The following EYA1 variants were observed in gnomAD, a reference collection of about 807,000 sequenced individuals.
EYA1 encodes the protein protein phosphatase EYA1.
EYA1 carries 16 observed loss-of-function variants against 82.0 expected under a neutral mutation model. That is an observed-to-expected ratio of 0.20 (90% CI 0.13 to 0.30). The LOEUF (loss-of-function observed/expected upper bound fraction) is 0.30, where lower values mean the gene tolerates loss of function less well. Ranked by LOEUF, EYA1 falls within the 10% of genes least tolerant of loss-of-function variation. The probability of loss-of-function intolerance (pLI) is 1.00; values close to 1 mark genes in which losing one functional copy is unlikely to be tolerated. For missense variants in EYA1, 633 were observed against 730.7 expected, an observed-to-expected ratio of 0.87 and a Z score of 1.54; for synonymous variants, 261 against 264.4, an observed-to-expected ratio of 0.99 and a Z score of 0.12.
chr8:71,421,068 T>A (rs981439213), intron 2 of EYA1, among the ~76,000 whole-genome samples: 7 of 152,224 alleles, frequency 4.6e-5, no homozygotes, highest in African/African-American at 1.7e-4. Flanking sequence ...CAGGTCTATA[T>A]TTGGGACAAA....
intron 6 of EYA1, among the ~76,000 whole-genome samples, chr8:71,319,717 C>T (rs1175574507): frequency 6.6e-6 from 1 of 152,150 alleles, no homozygotes; most frequent in East Asian, 1.9e-4. Context: ...GAGTACAAGT[C>T]CTTGGAGAAA....
rs573832112 is a variant in EYA1 at position 71,533,446 on chromosome 8, A to G, written c.33+2298T>C. On this transcript the variant is annotated intron_variant, in intron 2 of 18. Transcript: ENST00000643681. ...TGTGACATAAACTTGTGAAAGATGA[A>G]TGTGATGAGCAAGGGAATGTTCAAT... 2.0e-5 allele frequency among the ~76,000 whole-genome samples: 3 copies of G among 152,298 alleles called. No individual in the cohort carries two copies. In the East Asian group the frequency reaches 5.8e-4, roughly 29 times the overall value.
At chr8:71,230,691 T>G (rs1027964895) in intron 12 of EYA1, among the ~76,000 whole-genome samples, 1 of 152,164 alleles carries the variant, frequency 6.6e-6, no homozygotes, top group African/African-American at 2.4e-5. Flanking sequence ...ATAGAGAAAC[T>G]ATGGCGAAAC....
intron 2 of EYA1, among the ~76,000 whole-genome samples, chr8:71,428,995 G>C (rs1477476375): frequency 6.6e-6 from 1 of 152,108 alleles, no homozygotes; most frequent in Non-Finnish European, 1.5e-5. Context: ...GAGAGGCCCA[G>C]GAAAACAGAT....
chr8:71,425,104 C>CAAAAAAAAAAAAAA (rs71264555), intron 2 of EYA1, among the ~76,000 whole-genome samples: 69 of 75,216 alleles, frequency 9.2e-4, no homozygotes, highest in African/African-American at 1.1e-3. Flanking sequence ...ACTAAAAATA[C>CAAAAAAAAAAAAAA]AAAAAAAAAA....
intron 16 of EYA1, among the ~76,000 whole-genome samples, chr8:71,213,049 C>T (rs774983953): frequency 6.6e-5 from 10 of 151,662 alleles, no homozygotes; most frequent in Non-Finnish European, 8.8e-5. Flanking sequence ...GCCTAGGTGA[C>T]AGAACAAGAC....
chr8:71,438,700 C>A (rs771078909), intron 2 of EYA1, among the ~76,000 whole-genome samples: 1 of 151,908 alleles, frequency 6.6e-6, no homozygotes, highest in Non-Finnish European at 1.5e-5. Flanking sequence ...TGGAGGGCCC[C>A]GGAGAAGCCA....
rs140640377 is a variant in EYA1 at position 71,261,394 on chromosome 8, A to G, written c.1050+8346T>C. 1.7e-3 allele frequency among the ~76,000 whole-genome samples: 260 copies of G among 152,312 alleles called. 1 individual carries two copies. Among genetic ancestry groups the G allele is most frequent in the African/African-American group, 6.0e-3 (250 of 41,570 alleles). On this transcript the variant is annotated intron_variant, in intron 11 of 17. Coordinates refer to ENST00000340726, the MANE Select transcript of EYA1 (RefSeq NM_000503.6). Reference sequence around the variant, plus strand: ...ATGTGATTCTCTTGCCAATTAAGAAATAATACAGATTACCAAGAGAGACTG... The same window carrying G: ...ATGTGATTCTCTTGCCAATTAAGAAGTAATACAGATTACCAAGAGAGACTG...
At chr8:71,388,753 C>A (rs1364603234) in intron 2 of EYA1, among the ~76,000 whole-genome samples, 1 of 152,120 alleles carries the variant, frequency 6.6e-6, no homozygotes, top group East Asian at 1.9e-4. Flanking sequence ...TTTCTTGGCT[C>A]AGCAGCTTGG....
At chr8:71,506,318 AG>A (rs1196923389) in intron 2 of EYA1, among the ~76,000 whole-genome samples, 1 of 152,252 alleles carries the variant, frequency 6.6e-6, no homozygotes, top group Non-Finnish European at 1.5e-5. Flanking sequence ...AGGTTTGCCA[AG>A]GAGGCAAGTC....
intron 4 of EYA1, among the ~76,000 whole-genome samples, chr8:71,326,071 C>T (rs1012395294): frequency 3.3e-5 from 5 of 152,144 alleles, no homozygotes; most frequent in Non-Finnish European, 5.9e-5. Context: ...TGGGAACATA[C>T]GGACAACCAA....
At chr8:71,398,730 C>T (rs1185029258) in intron 2 of EYA1, among the ~76,000 whole-genome samples, 6 of 152,214 alleles carry the variant, frequency 3.9e-5, no homozygotes, top group East Asian at 3.9e-4. Context: ...CCCATTTAGG[C>T]TACTTGGGGG....
chr8:71,397,487 T>G (rs1401665368), intron 2 of EYA1, among the ~76,000 whole-genome samples: 2 of 152,234 alleles, frequency 1.3e-5, no homozygotes, highest in African/African-American at 2.4e-5. Flanking sequence ...AGGCCTGGTG[T>G]TGACAAAATC....
At chr8:71,401,601 G>T (rs1829961487) in intron 2 of EYA1, among the ~76,000 whole-genome samples, 1 of 152,176 alleles carries the variant, frequency 6.6e-6, no homozygotes, top group African/African-American at 2.4e-5. Flanking sequence ...GAGGTTCTTT[G>T]AATTCCAACT....
In EYA1 at chr8:71,262,632, T is replaced by C. The variant is rs116841929; in HGVS notation, c.1050+7108A>G. The stretch of plus-strand genomic sequence containing the variant: ...AGGAGCTGTGATGATTCCTGTTCAT[T>C]CACTGCATTCCCTTTTATATTCATG... On this transcript the variant is annotated intron_variant, in intron 11 of 17. Transcript: ENST00000340726. Among the ~76,000 whole-genome samples, 1,250 of 152,316 alleles carry C rather than the reference T, an allele frequency of 8.2e-3. 9 individuals are homozygous for C. Among genetic ancestry groups the C allele is most frequent in the Non-Finnish European group, 0.014 (937 of 68,024 alleles).
chr8:71,500,571 G>A (rs112218470), intron 2 of EYA1, among the ~76,000 whole-genome samples: 1 of 152,200 alleles, frequency 6.6e-6, no homozygotes, highest in Non-Finnish European at 1.5e-5. Flanking sequence ...CAAACAAACA[G>A]GAAATCACCT....
chr8:71,480,128 C>T (rs1364919953), intron 2 of EYA1, among the ~76,000 whole-genome samples: 3 of 152,138 alleles, frequency 2.0e-5, no homozygotes, highest in African/African-American at 4.8e-5. Context: ...TGCTTTACTC[C>T]TAAAGTTTAT....
At chr8:71,449,636 T>A (rs569208367) in intron 2 of EYA1, among the ~76,000 whole-genome samples, 1 of 152,282 alleles carries the variant, frequency 6.6e-6, no homozygotes, top group East Asian at 1.9e-4. Flanking sequence ...ATTTTCAGAA[T>A]AGGAAATGAA....
intron 1 of EYA1, chr8:71,547,607 C>A (rs1815751643): frequency 6.6e-6 from 1 of 151,910 alleles, no homozygotes; most frequent in Non-Finnish European, 1.5e-5. Context: ...CAGCCGCTTC[C>A]CGGGCGCCGA....
Sources: gnomAD v4.1 joint callset for allele counts (sites outside exome capture counted in the v4.1 genomes callset) on GRCh38, gnomAD v4.1.1 for gene constraint, MANE v1.5 for transcripts, NCBI Gene and HGNC (gene_info 2026-07-23, HGNC 2026-07-21) for gene names.